Variants in MYH1 observed in about 807,000 individuals in gnomAD.
The protein encoded by MYH1 is myosin heavy chain 1, also known as myosin-1.
In MYH1, 214 loss-of-function variants were observed where a neutral mutation model predicts 225.6. That is an observed-to-expected ratio of 0.95 (90% CI 0.85 to 1.06). The LOEUF (loss-of-function observed/expected upper bound fraction) is 1.06. MYH1 is among the 50% of genes least tolerant of loss of function. The pLI is 0.00. For synonymous variants in MYH1, 774 were observed against 842.3 expected (o/e 0.92, Z 1.40); for missense variants, 2,098 against 2,344.2 (o/e 0.89, Z 2.17).
chr17:10,495,847 C>G, intron 35 of MYH1, 103 bp downstream of exon 35: 3 of 1,360,862 alleles, frequency 2.2e-6, no homozygotes, highest in Non-Finnish European at 3.0e-6. Context: ...AAACTTTATC[C>G]TTCATGAAAT....
At chr17:10,514,213 A>C in intron 6 of MYH1, 89 bp from the exon 7 acceptor site, 2 of 1,448,792 alleles carry the variant, frequency 1.4e-6, no homozygotes, top group South Asian at 2.4e-5. Flanking sequence ...TCTCTATTAG[A>C]GAGCCTTTTA....
In MYH1 at chr17:10,497,311, T is replaced by G. The variant is rs756595738; in HGVS notation, c.4507A>C (p.Lys1503Gln). The G allele has an allele frequency of 7.5e-6, 12 of 1,605,276 alleles. No homozygotes were observed. The highest frequency in any genetic ancestry group is 5.4e-5 in the African/African-American group (4 of 74,298). The change falls in exon 32 of 40, where the codon AAA (lysine) becomes CAA (glutamine). Residue 1503 changes from lysine (K) to glutamine (Q), a missense_variant. Physicochemically the swap from Lys to Gln is moderately conservative, Grantham distance 53 (BLOSUM62 1). Transcript: ENST00000226207. Reference sequence around the variant, plus strand: ...CGTTGCAAATTCTTATTTTCCCGTTTCAAGGTTTCAAGTTGGTCTAAAGAT... The same window carrying G: ...CGTTGCAAATTCTTATTTTCCCGTTGCAAGGTTTCAAGTTGGTCTAAAGAT... ...EESLDQLETLKRENKNLQQEI... is the reference protein window; with the variant it reads ...EESLDQLETLQRENKNLQQEI...
chr17:10,497,616 G>A, intron 31 of MYH1, 118 bp downstream of exon 31: 1 of 1,503,326 alleles, frequency 6.7e-7, no homozygotes, highest in Non-Finnish European at 9.0e-7. Flanking sequence ...ACAGACAGCT[G>A]CTGATGGGTT....
intron 15 of MYH1, among the ~76,000 whole-genome samples, 167 bp from the exon 16 acceptor site, chr17:10,508,839 G>A (rs1014291610): frequency 1.3e-5 from 2 of 152,150 alleles, no homozygotes; most frequent in Non-Finnish European, 2.9e-5. Flanking sequence ...AATATTTATT[G>A]GGTGCTGATC....
rs748630503 is a variant in MYH1 at position 10,506,044 on chromosome 17, C to A, written c.2024G>T (p.Arg675Leu). 3.1e-6 allele frequency: 5 copies of A among 1,614,112 alleles called. No individual in the cohort carries two copies. Among genetic ancestry groups the A allele is most frequent in the Non-Finnish European group, 4.2e-6 (5 of 1,180,022 alleles). Residue 675 changes from arginine to leucine, a missense_variant, in exon 18 of 40, where the codon CGG becomes CTG. Transcript: ENST00000226207. ...TTTAGTTTCATTGGGGATGATGCAC[C>A]GCACAAAGTGGGGGTGAGTGCTCCT... is the stretch of plus-strand genomic sequence containing the variant. ...NLRSTHPHFV[R>L]CIIPNETKTP...
At position 10,497,134 on chromosome 17, in the gene MYH1, C is replaced by G. The variant is rs763189527; in HGVS notation, c.4591G>C (p.Glu1531Gln). ...TGCTCAACTTGCTTCTTTATTTTTTCCAGTTCATGGATGCGCTTTCCTCCT... is the reference window on the plus strand; with the variant it reads ...TGCTCAACTTGCTTCTTTATTTTTTGCAGTTCATGGATGCGCTTTCCTCCT... ...AEGGKRIHEL[E>Q]KIKKQVEQEK... is the part of the protein sequence containing the mutation. The change falls in exon 33 of 40, where the codon GAA becomes CAA. Residue 1531 changes from glutamate (E) to glutamine (Q), a missense_variant. By Grantham distance (29) the Glu-to-Gln change is conservative. Transcript: ENST00000226207. 4 of 1,614,090 alleles carry G rather than the reference C, an allele frequency of 2.5e-6. No individual in the cohort carries two copies. In the Admixed American group the frequency reaches 6.7e-5, roughly 27 times the overall value.
At chr17:10,494,305 T>C (rs779452431) in intron 39 of MYH1, 49 bp downstream of exon 39, 8 of 1,518,736 alleles carry the variant, frequency 5.3e-6, no homozygotes, top group South Asian at 4.7e-5. Context: ...TTAACTAAAC[T>C]GGCCTGGTCA....
Position 10,509,552 on chromosome 17 carries a change from T to G in MYH1, c.1520A>C (p.Glu507Ala). 1 of 1,614,210 alleles carries G rather than the reference T, an allele frequency of 6.2e-7. No homozygotes were observed. Reference sequence around the variant, plus strand: ...GTCAATGAACGTCCACTCAATGCCTTCCTTCTTGTACTCCTCCTGCTCCAG... The same window carrying G: ...GTCAATGAACGTCCACTCAATGCCTGCCTTCTTGTACTCCTCCTGCTCCAG... ...FVLEQEEYKK[E>A]GIEWTFIDFG... Residue 507 changes from glutamate (E) to alanine (A), a missense_variant, in exon 15 of 40, where the codon GAA becomes GCA. By Grantham distance (107) the Glu-to-Ala change is moderately radical (BLOSUM62 -1). Transcript: ENST00000226207.
intron 2 of MYH1, 79 bp downstream of exon 2, chr17:10,518,161 C>G (rs2073247845): frequency 6.6e-6 from 1 of 151,986 alleles, no homozygotes; most frequent in South Asian, 2.1e-4. Context: ...CTCACCCCGC[C>G]CCTCACCACT....
chr17:10,516,706 G>A, intron 2 of MYH1, 24 bp from the exon 3 acceptor site: 2 of 1,581,068 alleles, frequency 1.3e-6, no homozygotes. Context: ...AAAAGAAATT[G>A]TAGAAATTAA....
At position 10,509,648 on chromosome 17, in the gene MYH1, C is replaced by T; in HGVS notation, c.1424G>A (p.Ser475Asn). 1.2e-6 allele frequency: 2 copies of T among 1,614,178 alleles called. No individual in the cohort carries two copies. The highest frequency in any genetic ancestry group is 1.7e-6 in the Non-Finnish European group (2 of 1,180,042). The change falls in exon 15 of 40, where the codon AGC (serine) becomes AAC (asparagine). Residue 475 changes from serine to asparagine, a missense_variant. Transcript: ENST00000226207. ...GAAGTTGATGCACAGCTGCTCCAGG[C>T]TGTTGAACTAAATGAGTTGAAAATA... is the stretch of plus-strand genomic sequence containing the variant. ...IAGFEIFDFN[S>N]LEQLCINFTN...
At chr17:10,500,523 G>C (rs2073041421) in intron 28 of MYH1, 103 bp downstream of exon 28, 20 of 1,533,614 alleles carry the variant, frequency 1.3e-5, no homozygotes, top group Admixed American at 1.8e-5. Flanking sequence ...GATCTCCCAG[G>C]GAGGTAGTAT....
chr17:10,497,527 C>T, intron 31 of MYH1, 75 bp from the exon 32 acceptor site: 2 of 1,535,392 alleles, frequency 1.3e-6, no homozygotes, highest in South Asian at 2.6e-5. Flanking sequence ...TCTAGCACCT[C>T]TCAGAGTTGA....
intron 33 of MYH1, among the ~76,000 whole-genome samples, chr17:10,496,855 CA>C (rs751019087): frequency 2.0e-5 from 3 of 152,190 alleles, no homozygotes; most frequent in Non-Finnish European, 2.9e-5. Context: ...CCCTTGAAAG[CA>C]GGGCCTTTAA....
rs1194370102 is a variant in MYH1, at chr17:10,512,480, C to T, written c.1075G>A (p.Val359Met). The T allele has an allele frequency of 5.6e-6, 9 of 1,614,062 alleles. No individual in the cohort carries two copies. Among genetic ancestry groups the T allele is most frequent in the East Asian group, 2.2e-5 (1 of 44,890 alleles). The part of the protein sequence containing the change: ...RVSIYKLTGA[V>M]MHYGNMKFKQ... ...AATTTCATGTTCCCATAATGCATCA[C>T]AGCCCCTGTGAGCTTATAGATGGAC... Residue 359 changes from valine to methionine, a missense_variant, in exon 12 of 40, where the codon GTG becomes ATG. Transcript: ENST00000226207.
Position 10,496,167 on chromosome 17 carries a change from C to T in MYH1, c.4966-14G>A, listed in dbSNP as rs766884206. 11 of 1,613,994 alleles carry T rather than the reference C, an allele frequency of 6.8e-6. No homozygotes were observed. The highest frequency in any genetic ancestry group is 2.2e-5 in the South Asian group (2 of 91,078). ...GAGCTGGGTATCCTGTGGAACAAAC[C>T]GTCATTGAGACACCATGTATTCAGG... On this transcript the variant is annotated splice_polypyrimidine_tract_variant and intron_variant, in intron 34 of 39. Coordinates refer to ENST00000226207, the MANE Select transcript of MYH1 (RefSeq NM_005963.4).
rs2073013194 is a variant in MYH1 at position 10,497,895 on chromosome 17, G to A, written c.4204C>T (p.Gln1402Ter). 5.0e-6 allele frequency: 8 copies of A among 1,604,096 alleles called. No homozygotes were observed. Among genetic ancestry groups the A allele is most frequent in the Middle Eastern group, 1.7e-4 (1 of 6,042 alleles). ...EAKKKLAQRL[Q>*]DAEEHVEAVN... ...GCTTCTACATGTTCCTCAGCATCCT[G>A]CAGACGCTGAGCCAGCTTCTTCCTA... The change falls in exon 31 of 40, where the codon CAG (glutamine) becomes TAG (stop). Residue 1402 changes from glutamine to a stop codon, truncating the protein, a stop_gained. Transcript: ENST00000226207. LOFTEE classifies it high-confidence loss of function.
chr17:10,515,855 T>C (rs1350638905), intron 5 of MYH1, 71 bp downstream of exon 5: 3 of 1,609,180 alleles, frequency 1.9e-6, no homozygotes, highest in Non-Finnish European at 2.5e-6. Flanking sequence ...CTAAAGGTCT[T>C]TTTTTAGTTC....
chr17:10,502,503 C>G (rs1049214898), intron 24 of MYH1, among the ~76,000 whole-genome samples: 1 of 152,142 alleles, frequency 6.6e-6, no homozygotes, highest in African/African-American at 2.4e-5. Flanking sequence ...ATTAACCTTC[C>G]TTTCCATCAA....
Sources: allele counts gnomAD v4.1 joint callset (sites outside exome capture counted in the v4.1 genomes callset), GRCh38; gene constraint gnomAD v4.1.1; transcripts MANE v1.5; gene names NCBI Gene and HGNC (gene_info 2026-07-23, HGNC 2026-07-21).